ZNF280D: variants seen among roughly 807,000 people sequenced by gnomAD.
ZNF280D encodes the protein suppressor of hairy wing homolog 4.
ZNF280D carries 39 observed loss-of-function variants against 94.7 expected under a neutral mutation model. The observed-to-expected ratio is 0.41, with a 90% CI of 0.32 to 0.54. The LOEUF is 0.54. Among genes scored for constraint, ZNF280D ranks in the 20% least tolerant of loss-of-function variants. The pLI is 0.22. For missense variants in ZNF280D, 1,090 were observed against 1,149.3 expected (o/e 0.95, Z 0.75); for synonymous variants, 398 against 377.6 (o/e 1.05, Z -0.63).
At chr15:56,727,427 C>A (rs993942707) in intron 1 of ZNF280D, among the ~76,000 whole-genome samples, 2 of 152,140 alleles carry the variant, frequency 1.3e-5, no homozygotes, top group African/African-American at 4.8e-5. Context: ...CCATTGCATT[C>A]CAGCCTGGAC....
At position 56,669,881 on chromosome 15, in the gene ZNF280D, A is replaced by ATATAT. The variant is rs2054584488; in HGVS notation, c.1411-929_1411-925dup. Among the ~76,000 whole-genome samples the ATATAT allele has an allele frequency of 3.8e-4, 3 of 7,872 alleles. 1 individual carries two copies. Among genetic ancestry groups the ATATAT allele is most frequent in the African/African-American group, 8.7e-4 (3 of 3,452 alleles). 5.2% of individuals were successfully genotyped at this position (7,872 alleles called of 152,430 possible). A position where few individuals can be genotyped will look rare whatever the true frequency, so the allele number is the denominator to read the frequency against. On this transcript the variant is annotated intron_variant, in intron 13 of 21. Coordinates refer to ENST00000267807, the MANE Select transcript of ZNF280D (RefSeq NM_017661.4). ...TTATATATATATATATTTTATATATATATATATTATATATATATATAATAT... is the reference window on the plus strand; with the variant it reads ...TTATATATATATATATTTTATATATATATATTATATATTATATATATATATAATAT...
Position 56,659,012 on chromosome 15 carries a change from A to T in ZNF280D, c.1995-526T>A, listed in dbSNP as rs868670914. ...TCAAACATTTACAGTGTTCCTTGTA[A>T]TTACTAGTAGACTTTTTTTCTTCTT... is the stretch of plus-strand genomic sequence containing the variant. On this transcript the variant is annotated intron_variant, in intron 16 of 21. Coordinates refer to ENST00000267807, the MANE Select transcript of ZNF280D (RefSeq NM_017661.4). 2.0e-5 allele frequency among the ~76,000 whole-genome samples: 3 copies of T among 152,014 alleles called. No individual in the cohort carries two copies. The South Asian group carries it at 6.2e-4, about 32-fold the overall frequency.
At chr15:56,681,680 C>T (rs1295682951) in intron 10 of ZNF280D, among the ~76,000 whole-genome samples, 3 of 152,062 alleles carry the variant, frequency 2.0e-5, no homozygotes, top group African/African-American at 4.8e-5. Flanking sequence ...GTACAAATTT[C>T]TAATATTTAA....
At chr15:56,669,899 T>TA (rs1566959930) in intron 13 of ZNF280D, among the ~76,000 whole-genome samples, 8 of 7,850 alleles carry the variant, frequency 1.0e-3, no homozygotes, top group Admixed American at 3.2e-3. Context: ...TATATATATA[T>TA]ATAATATATA....
At chr15:56,644,948 T>C (rs774918720) in intron 19 of ZNF280D, among the ~76,000 whole-genome samples, 2 of 152,188 alleles carry the variant, frequency 1.3e-5, no homozygotes, top group Non-Finnish European at 2.9e-5. Flanking sequence ...AGGAACAGAA[T>C]CGTAATAACT....
At chr15:56,635,514 T>C (rs183608768) in intron 20 of ZNF280D, 1 of 157,686 alleles carries the variant, frequency 6.3e-6, no homozygotes, top group African/African-American at 2.4e-5. Context: ...CTCATGTCAA[T>C]ATCTGCTTTT....
chr15:56,701,336 G>T (rs2057056729), intron 4 of ZNF280D, 98 bp from the exon 5 acceptor site: 1 of 863,152 alleles, frequency 1.2e-6, no homozygotes, highest in Admixed American at 2.6e-5. Context: ...ACAGATTTAT[G>T]GAAGGAGTAT....
At chr15:56,640,859 C>T (rs950412205) in intron 20 of ZNF280D, among the ~76,000 whole-genome samples, 2 of 152,228 alleles carry the variant, frequency 1.3e-5, no homozygotes, top group African/African-American at 4.8e-5. Flanking sequence ...TTATTGATAT[C>T]AAATGCTGCT....
intron 3 of ZNF280D, among the ~76,000 whole-genome samples, chr15:56,704,886 G>C (rs2057308229): frequency 6.6e-6 from 1 of 152,124 alleles, no homozygotes; most frequent in Non-Finnish European, 1.5e-5. Context: ...GGGAGGCTGA[G>C]TCAGGAGAAT....
intron 1 of ZNF280D, among the ~76,000 whole-genome samples, chr15:56,709,287 T>C (rs1279579552): frequency 1.8e-4 from 27 of 152,034 alleles, no homozygotes; most frequent in Middle Eastern, 6.8e-3. Flanking sequence ...ATCAGAGAAA[T>C]GCAAGCGAAA....
At chr15:56,690,442 A>G (rs929367110) in intron 7 of ZNF280D, among the ~76,000 whole-genome samples, 1 of 152,164 alleles carries the variant, frequency 6.6e-6, no homozygotes, top group East Asian at 1.9e-4. Flanking sequence ...ATTTTCACAC[A>G]TAATGGAAGT....
At chr15:56,680,535 C>CGTCT (rs1410968334) in intron 10 of ZNF280D, among the ~76,000 whole-genome samples, 1 of 152,064 alleles carries the variant, frequency 6.6e-6, no homozygotes, top group African/African-American at 2.4e-5. Flanking sequence ...GGAGTGCAGA[C>CGTCT]GCATGATTAC....
chr15:56,632,809 TTC>T (rs1448970554), intron 21 of ZNF280D, among the ~76,000 whole-genome samples: 1 of 152,138 alleles, frequency 6.6e-6, no homozygotes, highest in Non-Finnish European at 1.5e-5. Flanking sequence ...TTTAAATAGC[TTC>T]TTATGTTTAG....
At chr15:56,676,029 G>C (rs1473610306) in intron 13 of ZNF280D, among the ~76,000 whole-genome samples, 1 of 151,310 alleles carries the variant, frequency 6.6e-6, no homozygotes, top group Non-Finnish European at 1.5e-5. Context: ...TCAAGGGAGG[G>C]GTACAAGCAC....
At chr15:56,717,871 G>C (rs2058129683) in intron 1 of ZNF280D, among the ~76,000 whole-genome samples, 1 of 152,236 alleles carries the variant, frequency 6.6e-6, no homozygotes, top group South Asian at 2.1e-4. Flanking sequence ...AAATTACAGG[G>C]AGGCAGACTT....
chr15:56,662,466 G>T (rs757189645), intron 16 of ZNF280D, among the ~76,000 whole-genome samples: 5 of 152,078 alleles, frequency 3.3e-5, no homozygotes, highest in Admixed American at 6.6e-5. Context: ...TGTGCTAGGT[G>T]ATATGATAAA....
intron 1 of ZNF280D, chr15:56,730,102 T>C (rs755997020): frequency 1.4e-4 from 22 of 152,146 alleles, no homozygotes; most frequent in Non-Finnish European, 1.2e-4. Context: ...ACCCAGATGA[T>C]AGTGATAATT....
rs144111729 is a variant in ZNF280D at position 56,662,888 on chromosome 15, C to T, written c.1994+3507G>A. 1.2e-3 allele frequency among the ~76,000 whole-genome samples: 181 copies of T among 147,114 alleles called. 1 individual carries two copies. Among genetic ancestry groups the T allele is most frequent in the Admixed American group, 3.1e-3 (45 of 14,750 alleles). On this transcript the variant is annotated intron_variant, in intron 16 of 21. Coordinates refer to ENST00000267807, the MANE Select transcript of ZNF280D (RefSeq NM_017661.4). ...ATAGTACACAATTCAAAGAAAGTAA[C>T]GGCTGTGGTGATCAGACACTTGAAA...
chr15:56,649,599 A>C (rs1265836969), intron 19 of ZNF280D, among the ~76,000 whole-genome samples: 1 of 152,020 alleles, frequency 6.6e-6, no homozygotes, highest in East Asian at 1.9e-4. Context: ...TGAACTCAAT[A>C]GATCAGTTTG....
Sources: gnomAD v4.1 joint callset for allele counts (sites outside exome capture counted in the v4.1 genomes callset) on GRCh38, gnomAD v4.1.1 for gene constraint, MANE v1.5 for transcripts, NCBI Gene and HGNC (gene_info 2026-07-23, HGNC 2026-07-21) for gene names.